Variants in CGA observed in about 807,000 individuals in gnomAD.
The protein encoded by CGA is glycoprotein hormones, alpha polypeptide, also known as glycoprotein hormones alpha chain.
In CGA, 4 loss-of-function variants were observed where a neutral mutation model predicts 12.0. The observed-to-expected ratio is 0.33, with a 90% CI of 0.16 to 0.76. CGA has a LOEUF of 0.76. Among genes scored for constraint, CGA ranks in the 30% least tolerant of loss-of-function variants. The pLI is 0.60. For synonymous variants in CGA, 60 were observed against 56.6 expected, an observed-to-expected ratio of 1.06 and a Z score of -0.27; for missense variants, 102 against 143.5, an observed-to-expected ratio of 0.71 and a Z score of 1.48.
At position 87,085,529 on chromosome 6, in the gene CGA, G is replaced by T; in HGVS notation, c.*227C>A. 1 of 427,124 alleles carries T rather than the reference G, an allele frequency of 2.3e-6. No homozygotes were observed. The allele number at this position is 427,124 out of a possible 1,614,324, so 26.5% of individuals were successfully genotyped here. ...GATGATTTAAAAGGCTTTATTTGCA[G>T]TGGAACAAGCTAAATGCTGTATTCA... is the stretch of plus-strand genomic sequence containing the variant. On this transcript the variant is annotated 3_prime_UTR_variant, in exon 4 of 4. Transcript: ENST00000627148.
chr6:87,092,742 CTTTTTTTTTTTTT>C (rs35436814), intron 1 of CGA, among the ~76,000 whole-genome samples: 1 of 78,040 alleles, frequency 1.3e-5, no homozygotes, highest in African/African-American at 5.2e-5. Context: ...CATTAGCTTT[CTTTTTTTTTTTTT>C]TTTTTTTTTT....
intron 3 of CGA, 184 bp downstream of exon 3, chr6:87,086,066 A>C: frequency 3.0e-6 from 2 of 662,896 alleles, no homozygotes; most frequent in Non-Finnish European, 5.2e-6. Flanking sequence ...GAATAAATCC[A>C]GTCTATACCC....
At chr6:87,087,439 G>GA (rs1442282702) in intron 2 of CGA, among the ~76,000 whole-genome samples, 1 of 152,094 alleles carries the variant, frequency 6.6e-6, no homozygotes, top group East Asian at 1.9e-4. Context: ...TTGCACAGAG[G>GA]AAAAATATTT....
intron 2 of CGA, 87 bp downstream of exon 2, chr6:87,088,026 G>T: frequency 3.1e-6 from 2 of 650,794 alleles, no homozygotes; most frequent in East Asian, 3.1e-5. Context: ...TTGAAAAGGT[G>T]GTAGAAATGT....
chr6:87,090,804 A>ATTTTT (rs71014987), intron 1 of CGA, among the ~76,000 whole-genome samples: 2 of 140,408 alleles, frequency 1.4e-5, no homozygotes, highest in East Asian at 2.1e-4. Context: ...CGCTTGGCTA[A>ATTTTT]TTTTTTTTTT....
In CGA at chr6:87,085,617, T is replaced by C. The variant is rs1012615885; in HGVS notation, c.*139A>G. ...AGGATAAGGAGGAAGGCAGTAAAGC[T>C]GCAGTATATCCTTGAAGCGTGTCAA... On this transcript the variant is annotated 3_prime_UTR_variant, in exon 4 of 4. Coordinates refer to ENST00000627148, the MANE Select transcript of CGA (RefSeq NM_000735.4). 4 of 649,114 alleles carry C rather than the reference T, an allele frequency of 6.2e-6. No individual in the cohort carries two copies. Among genetic ancestry groups the C allele is most frequent in the Non-Finnish European group, 1.1e-5 (4 of 356,072 alleles). The allele number at this position is 649,114 out of a possible 1,614,324, so 40.2% of individuals were successfully genotyped here. A position where few individuals can be genotyped will look rare whatever the true frequency, so the allele number is the denominator to read the frequency against.
rs1002258841 is a variant in CGA, at chr6:87,086,314, G to A, written c.209C>T (p.Thr70Met). ...AYPTPLRSKK[T>M]MLVQKNVTSE... is the part of the protein sequence containing the mutation. ...GGTGACGTTCTTTTGGACCAACATC[G>A]TCTTCTTGGACCTTAGTGGAGTGGG... Residue 70 changes from threonine (T) to methionine (M), a missense_variant, in exon 3 of 4, where the codon ACG becomes ATG. Thr to Met is a moderately conservative substitution (Grantham distance 81, BLOSUM62 -1). Transcript: ENST00000627148. 4.0e-5 allele frequency: 65 copies of A among 1,614,078 alleles called. No homozygotes were observed. Among genetic ancestry groups the A allele is most frequent in the Non-Finnish European group, 4.8e-5 (57 of 1,179,984 alleles).
intron 1 of CGA, chr6:87,089,089 A>G (rs1307860784): frequency 1.3e-5 from 2 of 152,246 alleles, no homozygotes; most frequent in Non-Finnish European, 2.9e-5. Flanking sequence ...CACTATTGAT[A>G]CACACAGCAG....
intron 1 of CGA, chr6:87,088,801 A>G (rs1769377241): frequency 6.6e-6 from 1 of 152,212 alleles, no homozygotes; most frequent in Non-Finnish European, 1.5e-5. Context: ...TCTAGTGGGA[A>G]TACAAAATGG....
At chr6:87,087,889 A>G (rs1769352850) in intron 2 of CGA, 2 of 331,234 alleles carry the variant, frequency 6.0e-6, no homozygotes, top group Non-Finnish European at 1.1e-5. Context: ...ATGAAAATGT[A>G]TAGGCTGCTG....
chr6:87,086,443 G>GAA lies in CGA; in HGVS notation c.89-11_89-10dup, dbSNP rs11380231. ...CGTGCATTCTGGGCAATCTATCAGG[G>GAA]AAAAAAAAAGGCAGAGTAAAATATC... On this transcript the variant is annotated splice_polypyrimidine_tract_variant and intron_variant, in intron 2 of 3. Transcript: ENST00000627148. 2.0e-4 allele frequency: 314 copies of GAA among 1,552,438 alleles called. 1 individual carries two copies. The highest frequency in any genetic ancestry group is 1.6e-3 in the South Asian group (132 of 83,040).
At chr6:87,093,682 T>G (rs751150224) in intron 1 of CGA, among the ~76,000 whole-genome samples, 1 of 152,238 alleles carries the variant, frequency 6.6e-6, no homozygotes, top group African/African-American at 2.4e-5. Flanking sequence ...ACCTTCTAAG[T>G]TAGCCATTTC....
chr6:87,086,789 A>C (rs1017874775), intron 2 of CGA, among the ~76,000 whole-genome samples: 4 of 151,802 alleles, frequency 2.6e-5, no homozygotes, highest in Admixed American at 1.3e-4. Flanking sequence ...CTGACTCAAA[A>C]AAATAAGAAA....
At chr6:87,086,511 T>C (rs770300710) in intron 2 of CGA, 77 bp from the exon 3 acceptor site, 2 of 1,417,306 alleles carry the variant, frequency 1.4e-6, no homozygotes, top group South Asian at 1.4e-5. Context: ...GCACAGTAGC[T>C]CACGCCTGTA....
intron 2 of CGA, 81 bp from the exon 3 acceptor site, chr6:87,086,515 G>A (rs2011192): frequency 0.53 from 711,769 of 1,347,932 alleles, 189,888 homozygotes; most frequent in African/African-American, 0.59. Flanking sequence ...AGTAGCTCAC[G>A]CCTGTAATCC....
At chr6:87,090,637 A>ATTTTTTTTTTTTTTTTT (rs147883019) in intron 1 of CGA, among the ~76,000 whole-genome samples, 7 of 124,832 alleles carry the variant, frequency 5.6e-5, no homozygotes, top group Non-Finnish European at 6.7e-5. Context: ...CTCTTCAATA[A>ATTTTTTTTTTTTTTTTT]TTTTTTTTTT....
At chr6:87,093,892 T>A (rs571118391) in intron 1 of CGA, among the ~76,000 whole-genome samples, 11 of 152,144 alleles carry the variant, frequency 7.2e-5, no homozygotes, top group Admixed American at 4.6e-4. Flanking sequence ...GCAAAAAAAA[T>A]AATAAACTTA....
At chr6:87,089,328 C>T (rs1380445555) in intron 1 of CGA, among the ~76,000 whole-genome samples, 1 of 151,478 alleles carries the variant, frequency 6.6e-6, no homozygotes, top group African/African-American at 2.4e-5. Flanking sequence ...GTTAGTCACA[C>T]TAATCTACAC....
intron 1 of CGA, among the ~76,000 whole-genome samples, chr6:87,093,377 A>G (rs950407801): frequency 9.2e-5 from 14 of 152,202 alleles, no homozygotes; most frequent in Non-Finnish European, 1.5e-4. Context: ...TAAACCACAG[A>G]GTGTTAAAGA....
Sources: gnomAD v4.1 joint callset for allele counts (sites outside exome capture counted in the v4.1 genomes callset) on GRCh38, gnomAD v4.1.1 for gene constraint, MANE v1.5 for transcripts, NCBI Gene and HGNC (gene_info 2026-07-23, HGNC 2026-07-21) for gene names.